TRAF3: variants seen among roughly 807,000 people sequenced by gnomAD.
The protein encoded by TRAF3 is TNF receptor associated factor 3.
Under a neutral mutation model 62.3 loss-of-function variants are expected in TRAF3, and 13 were observed. The observed-to-expected ratio is 0.21, with a 90% CI of 0.14 to 0.33. The LOEUF (loss-of-function observed/expected upper bound fraction) is 0.33, where lower values mean the gene tolerates loss of function less well. Among genes scored for constraint, TRAF3 ranks in the 10% least tolerant of loss-of-function variants. The pLI, the probability that TRAF3 is intolerant of heterozygous loss-of-function variation, is 1.00. For synonymous variants in TRAF3, 269 were observed against 283.4 expected (o/e 0.95, Z 0.51); for missense variants, 440 against 741.8 (o/e 0.59, Z 4.73).
At chr14:102,796,521 T>C (rs1898094037) in intron 1 of TRAF3, among the ~76,000 whole-genome samples, 1 of 152,224 alleles carries the variant, frequency 6.6e-6, no homozygotes, top group African/African-American at 2.4e-5. Context: ...TTGCGACTAG[T>C]GTCTGAAGTG....
At chr14:102,833,487 A>G (rs151249385) in intron 2 of TRAF3, among the ~76,000 whole-genome samples, 119 of 152,256 alleles carry the variant, frequency 7.8e-4, no homozygotes, top group African/African-American at 2.7e-3. Flanking sequence ...GTTCTTTCTC[A>G]TGCAAGCGAA....
chr14:102,843,888 G>A (rs1488996719), intron 2 of TRAF3, among the ~76,000 whole-genome samples: 1 of 152,072 alleles, frequency 6.6e-6, no homozygotes, highest in Non-Finnish European at 1.5e-5. Context: ...TATAAATAAT[G>A]AAATGAAATG....
intron 1 of TRAF3, among the ~76,000 whole-genome samples, chr14:102,811,312 T>C (rs78428859): frequency 6.6e-6 from 1 of 151,994 alleles, no homozygotes; most frequent in Non-Finnish European, 1.5e-5. Flanking sequence ...TTTTTTTTTT[T>C]TCTTAAGAGA....
chr14:102,850,147 G>A (rs1886950124), intron 2 of TRAF3, among the ~76,000 whole-genome samples: 1 of 152,150 alleles, frequency 6.6e-6, no homozygotes, highest in Non-Finnish European at 1.5e-5. Flanking sequence ...GGTAATGGAG[G>A]CATAGAAGAA....
intron 1 of TRAF3, among the ~76,000 whole-genome samples, chr14:102,828,938 A>G (rs1424218113): frequency 1.3e-5 from 2 of 152,226 alleles, no homozygotes; most frequent in Admixed American, 1.3e-4. Context: ...TCGTCTTAAA[A>G]AATCTCAGCC....
chr14:102,871,669 T>C (rs945203250), intron 3 of TRAF3, among the ~76,000 whole-genome samples: 2 of 152,260 alleles, frequency 1.3e-5, no homozygotes, highest in Non-Finnish European at 2.9e-5. Context: ...GAAGGGGCTT[T>C]CCAAGTGGGA....
chr14:102,808,557 A>G (rs1898917390), intron 1 of TRAF3, among the ~76,000 whole-genome samples: 1 of 152,002 alleles, frequency 6.6e-6, no homozygotes, highest in Non-Finnish European at 1.5e-5. Flanking sequence ...GTCAGGTGCT[A>G]GAGGGCTTCC....
intron 1 of TRAF3, among the ~76,000 whole-genome samples, chr14:102,799,574 C>T (rs1048296142): frequency 2.6e-5 from 4 of 152,144 alleles, no homozygotes; most frequent in African/African-American, 9.7e-5. Flanking sequence ...CCCCAGCCTC[C>T]TGTGTAGCTG....
intron 1 of TRAF3, among the ~76,000 whole-genome samples, chr14:102,783,782 G>A (rs1433717545): frequency 6.6e-6 from 1 of 152,152 alleles, no homozygotes; most frequent in African/African-American, 2.4e-5. Context: ...CAACTTTGAG[G>A]ATCTGAATTC....
At position 102,846,868 on chromosome 14, in the gene TRAF3, G is replaced by A. The variant is rs189665698; in HGVS notation, c.-18+16396G>A. ...AAGCTAGTACTTACTTACGTATGTGGTGGAAGGGTTTTGGGGTCAGATAGA... is the reference window on the plus strand; with the variant it reads ...AAGCTAGTACTTACTTACGTATGTGATGGAAGGGTTTTGGGGTCAGATAGA... On this transcript the variant is annotated intron_variant, in intron 2 of 11. Transcript: ENST00000392745. Among the ~76,000 whole-genome samples the A allele has an allele frequency of 1.9e-3, 284 of 152,248 alleles. 1 individual carries two copies. The highest frequency in any genetic ancestry group is 2.1e-3 in the Non-Finnish European group (144 of 68,018).
chr14:102,873,151 G>A (rs138263354), intron 4 of TRAF3, among the ~76,000 whole-genome samples: 261 of 152,304 alleles, frequency 1.7e-3, no homozygotes, highest in Non-Finnish European at 2.8e-3. Context: ...GGGTTTGTTG[G>A]TCAGAGCAGC....
At position 102,850,688 on chromosome 14, in the gene TRAF3, TAAAAA is replaced by T. The variant is rs35096461; in HGVS notation, c.-17-19477_-17-19473del. On this transcript the variant is annotated intron_variant, in intron 2 of 11. Transcript: ENST00000392745. Reference sequence around the variant, plus strand: ...CTGGGCGATAGAGTGAGACTCCGTCTAAAAAAAAAAAAAAAAAAAAAAAAGTTACA... The same window carrying T: ...CTGGGCGATAGAGTGAGACTCCGTCTAAAAAAAAAAAAAAAAAAAGTTACA... Among the ~76,000 whole-genome samples, 6 of 87,490 alleles carry T rather than the reference TAAAAA, an allele frequency of 6.9e-5. No individual in the cohort carries two copies. The East Asian group carries it at 1.7e-3, about 24-fold the overall frequency. The allele number at this position is 87,490 out of a possible 152,430, so 57.4% of individuals were successfully genotyped here.
rs537252452 is a variant in TRAF3 at position 102,843,526 on chromosome 14, C to T, written c.-18+13054C>T. Among the ~76,000 whole-genome samples, 14 of 152,144 alleles carry T rather than the reference C, an allele frequency of 9.2e-5. No individual in the cohort carries two copies. In the South Asian group the frequency reaches 2.1e-3, roughly 23 times the overall value. On this transcript the variant is annotated intron_variant, in intron 2 of 11. Coordinates refer to ENST00000392745, the MANE Select transcript of TRAF3 (RefSeq NM_145725.3). ...CTAATTTTTGTATTTTTTGTAGAAA[C>T]GGAGTCTCACTGTGTTCTCCAGGCT... is the stretch of plus-strand genomic sequence containing the variant.
intron 1 of TRAF3, chr14:102,810,536 T>G (rs1354968271): frequency 6.6e-6 from 1 of 152,188 alleles, no homozygotes; most frequent in African/African-American, 2.4e-5. Flanking sequence ...TCTTCAGAAG[T>G]GTTTGCAGTG....
chr14:102,894,881 A>G (rs1290520724), intron 9 of TRAF3, among the ~76,000 whole-genome samples: 1 of 152,044 alleles, frequency 6.6e-6, no homozygotes, highest in South Asian at 2.1e-4. Flanking sequence ...GTTTTTTTGT[A>G]GAGATGGAGT....
intron 1 of TRAF3, among the ~76,000 whole-genome samples, chr14:102,807,576 T>C (rs2139496445): frequency 6.6e-6 from 1 of 152,346 alleles, no homozygotes; most frequent in Middle Eastern, 3.4e-3. Flanking sequence ...CACTCACCTG[T>C]GCTGCCTTTC....
In TRAF3 at chr14:102,780,717, A is replaced by G. The variant is rs143751526; in HGVS notation, c.-157+3042A>G. Among the ~76,000 whole-genome samples the G allele has an allele frequency of 9.7e-4, 148 of 152,192 alleles. 1 individual carries two copies. Among genetic ancestry groups the G allele is most frequent in the African/African-American group, 3.5e-3 (145 of 41,512 alleles). ...ATTGGGACTTGGGAGTCTTTTTCTC[A>G]TTTAATTAATATTCAGTTAATGTGC... On this transcript the variant is annotated intron_variant, in intron 1 of 11. Transcript: ENST00000392745.
Position 102,905,320 on chromosome 14 carries a change from A to T in TRAF3, c.1243A>T (p.Asn415Tyr), listed in dbSNP as rs1418837716. The T allele has an allele frequency of 6.2e-7, 1 of 1,614,220 alleles. No homozygotes were observed. The highest frequency in any genetic ancestry group is 1.3e-5 in the African/African-American group (1 of 75,056). The change falls in exon 12 of 12, where the codon AAT becomes TAT. Residue 415 changes from asparagine (N) to tyrosine (Y), a missense_variant. Physicochemically the swap from Asn to Tyr is moderately radical, Grantham distance 143 (BLOSUM62 -2). Coordinates refer to ENST00000392745, the MANE Select transcript of TRAF3 (RefSeq NM_145725.3). ...RFQVLETASYNGVLIWKIRDY... is the reference protein window; with the variant it reads ...RFQVLETASYYGVLIWKIRDY... The stretch of plus-strand genomic sequence containing the variant: ...CCAGGTCCTGGAGACCGCCAGCTAC[A>T]ATGGAGTGCTCATCTGGAAGATTCG...
rs1183741873 is a variant in TRAF3 at position 102,825,812 on chromosome 14, C to T, written c.-156-4522C>T. Among the ~76,000 whole-genome samples, 8 of 152,314 alleles carry T rather than the reference C, an allele frequency of 5.3e-5. No homozygotes were observed. The East Asian group carries it at 7.7e-4, about 15-fold the overall frequency. ...AGTGGCACCTAAATACGTCTAGAAG[C>T]GCTTGATGAAAGTTCCTCTGAGGCT... is the stretch of plus-strand genomic sequence containing the variant. On this transcript the variant is annotated intron_variant, in intron 1 of 11. Transcript: ENST00000392745.
Sources: allele counts gnomAD v4.1 joint callset (sites outside exome capture counted in the v4.1 genomes callset), GRCh38; gene constraint gnomAD v4.1.1; transcripts MANE v1.5; gene names NCBI Gene and HGNC (gene_info 2026-07-23, HGNC 2026-07-21).